The following DUSP14 variants were observed in gnomAD, a reference collection of about 807,000 sequenced individuals.
DUSP14 encodes dual specificity phosphatase 14.
Under a neutral mutation model 13.2 loss-of-function variants are expected in DUSP14, and 5 were observed. The ratio of observed to expected loss-of-function variants is 0.38; its 90% CI spans 0.20 to 0.80. The LOEUF (loss-of-function observed/expected upper bound fraction) is 0.80. Among genes scored for constraint, DUSP14 ranks in the 30% least tolerant of loss-of-function variants. The probability of loss-of-function intolerance (pLI) is 0.44; values close to 1 mark genes in which losing one functional copy is unlikely to be tolerated. For missense variants in DUSP14, 185 were observed against 264.0 expected (o/e 0.70, Z 2.07); for synonymous variants, 91 against 103.4 (o/e 0.88, Z 0.73).
intron 1 of DUSP14, among the ~76,000 whole-genome samples, chr17:37,491,159 T>C (rs2148069305): frequency 6.6e-6 from 1 of 152,330 alleles, no homozygotes; most frequent in South Asian, 2.1e-4. Flanking sequence ...CTTTGCAGAG[T>C]TGTGCGTGTG....
intron 1 of DUSP14, among the ~76,000 whole-genome samples, chr17:37,498,676 GT>G (rs58904773): frequency 6.2e-5 from 9 of 145,634 alleles, no homozygotes; most frequent in Non-Finnish European, 7.5e-5. Context: ...AAAGTAATCA[GT>G]TTTTTTTTTT....
chr17:37,504,820 GTCC>G (rs974305824), intron 1 of DUSP14, among the ~76,000 whole-genome samples: 1 of 152,158 alleles, frequency 6.6e-6, no homozygotes, highest in African/African-American at 2.4e-5. Flanking sequence ...GGTTTAAGGA[GTCC>G]TCCTGCCGCA....
At position 37,512,907 on chromosome 17, in the gene DUSP14, G is replaced by GGCAT; in HGVS notation, c.*39_*42dup. ...CTGCGTCAGCAGCCCGAGCGGGGCC[G>GGCAT]GCATCTGCTCCCCGCCGTCTGCTCC... On this transcript the variant is annotated 3_prime_UTR_variant, in exon 3 of 3. Coordinates refer to ENST00000617516, the MANE Select transcript of DUSP14 (RefSeq NM_007026.4). This position sits in a 1 kb window ranked among gnomAD's most constrained non-coding sequence, Gnocchi z 4.8. 23 of 1,530,232 alleles carry GGCAT rather than the reference G, an allele frequency of 1.5e-5. No homozygotes were observed. Among genetic ancestry groups the GGCAT allele is most frequent in the Middle Eastern group, 3.5e-4 (2 of 5,776 alleles). 94.8% of individuals were successfully genotyped at this position (1,530,232 alleles called of 1,614,324 possible). A position where few individuals can be genotyped will look rare whatever the true frequency, so the allele number is the denominator to read the frequency against.
At chr17:37,507,776 A>G (rs2054147706) in intron 1 of DUSP14, among the ~76,000 whole-genome samples, 1 of 152,124 alleles carries the variant, frequency 6.6e-6, no homozygotes, top group African/African-American at 2.4e-5. Context: ...TAGATAACCT[A>G]CTTGGAAATT....
intron 1 of DUSP14, among the ~76,000 whole-genome samples, chr17:37,495,065 A>T (rs1294731124): frequency 1.3e-5 from 2 of 152,234 alleles, no homozygotes; most frequent in African/African-American, 2.4e-5. Context: ...AGAAGTCGTT[A>T]GTATGAGAAC....
chr17:37,491,239 A>G (rs2054026261), intron 1 of DUSP14, among the ~76,000 whole-genome samples: 1 of 152,228 alleles, frequency 6.6e-6, no homozygotes, highest in South Asian at 2.1e-4. Flanking sequence ...AAAGGCCCCC[A>G]GTCTTGGTTC....
intron 2 of DUSP14, among the ~76,000 whole-genome samples, chr17:37,511,937 A>AGATTTTTTTTTTTTTTTTT (rs1329764853): frequency 6.1e-5 from 1 of 16,442 alleles, no homozygotes; most frequent in Non-Finnish European, 1.2e-4. Flanking sequence ...CCCCCACCCC[A>AGATTTTTTTTTTTTTTTTT]CTTTTTTTTT....
At chr17:37,508,766 AAT>A (rs1207097248) in intron 1 of DUSP14, among the ~76,000 whole-genome samples, 1 of 142,586 alleles carries the variant, frequency 7.0e-6, no homozygotes, top group African/African-American at 2.6e-5. Flanking sequence ...TGTATAAATA[AAT>A]ATATATGTAT....
chr17:37,509,137 A>ATATATATATATGTG, intron 1 of DUSP14, among the ~76,000 whole-genome samples: 1 of 46,408 alleles, frequency 2.2e-5, no homozygotes, highest in East Asian at 9.6e-4. Flanking sequence ...ATACACACAC[A>ATATATATATATGTG]CACACACACA....
chr17:37,488,585 CA>C (rs2148067167), upstream of DUSP14, among the ~76,000 whole-genome samples: 2 of 152,320 alleles, frequency 1.3e-5, no homozygotes, highest in East Asian at 3.9e-4. Flanking sequence ...CTGAATCTAG[CA>C]AAGTATGCTG....
At chr17:37,509,180 ATG>A (rs2054161200) in intron 1 of DUSP14, among the ~76,000 whole-genome samples, 6 of 112,088 alleles carry the variant, frequency 5.4e-5, no homozygotes, top group Admixed American at 2.0e-4. Flanking sequence ...CTATATATAT[ATG>A]TACTATGTAT....
intron 1 of DUSP14, among the ~76,000 whole-genome samples, chr17:37,506,872 C>T (rs1398723830): frequency 6.6e-6 from 1 of 152,162 alleles, no homozygotes; most frequent in East Asian, 1.9e-4. Context: ...TGGAGCAGCT[C>T]GGCCCATCTG....
upstream of DUSP14, among the ~76,000 whole-genome samples, chr17:37,489,210 C>A (rs1246946930): frequency 6.6e-6 from 1 of 152,206 alleles, no homozygotes; most frequent in Non-Finnish European, 1.5e-5. Flanking sequence ...CTCCGGAGAA[C>A]CCCTGCCCTG....
In DUSP14 at chr17:37,513,121, T is replaced by C. The variant is rs2054206867; in HGVS notation, c.*252T>C. On this transcript the variant is annotated 3_prime_UTR_variant, in exon 3 of 3. Coordinates refer to ENST00000617516, the MANE Select transcript of DUSP14 (RefSeq NM_007026.4). ...GGAAATCTTTAGCTTTTAATCATTT[T>C]TACCAATTTGAACAGTTTAATAAAC... 1.9e-6 allele frequency: 1 copy of C among 529,858 alleles called. No homozygotes were observed. 32.8% of individuals were successfully genotyped at this position (529,858 alleles called of 1,614,324 possible). A position where few individuals can be genotyped will look rare whatever the true frequency, so the allele number is the denominator to read the frequency against.
chr17:37,492,089 T>TA (rs1372312662), intron 1 of DUSP14, among the ~76,000 whole-genome samples: 4 of 152,252 alleles, frequency 2.6e-5, no homozygotes, highest in Non-Finnish European at 5.9e-5. Flanking sequence ...TGTGTTTAAG[T>TA]ACAACTGTTG....
intron 1 of DUSP14, among the ~76,000 whole-genome samples, chr17:37,504,768 A>T (rs1299442347): frequency 6.6e-6 from 1 of 152,056 alleles, no homozygotes. Context: ...TTTTGCAGAG[A>T]CAGGGTCTCA....
intron 1 of DUSP14, chr17:37,491,762 A>G (rs373601415): frequency 1.3e-5 from 2 of 152,222 alleles, no homozygotes; most frequent in Admixed American, 6.5e-5. Context: ...AGGGAGGGCT[A>G]TGTTTGATGG....
At chr17:37,504,723 G>T (rs76016758) in intron 1 of DUSP14, among the ~76,000 whole-genome samples, 1 of 152,092 alleles carries the variant, frequency 6.6e-6, no homozygotes, top group East Asian at 1.9e-4. Context: ...GATTATAGGC[G>T]CATGAAACCA....
At chr17:37,493,994 C>CTT (rs1250993098) in intron 1 of DUSP14, among the ~76,000 whole-genome samples, 26 of 140,156 alleles carry the variant, frequency 1.9e-4, no homozygotes, top group African/African-American at 2.4e-4. Context: ...CTCTTTTAAA[C>CTT]TTTTTTTTTT....
Sources: allele counts gnomAD v4.1 joint callset (sites outside exome capture counted in the v4.1 genomes callset), GRCh38; gene constraint gnomAD v4.1.1; non-coding constraint Gnocchi (gnomAD v3.1); transcripts MANE v1.5; gene names NCBI Gene and HGNC (gene_info 2026-07-23, HGNC 2026-07-21).